The following FGF13 variants were observed in gnomAD, a reference collection of about 807,000 sequenced individuals.
The protein encoded by FGF13 is fibroblast growth factor homologous factor 2.
A neutral mutation model predicts 19.5 loss-of-function variants in FGF13; 2 were observed. The observed-to-expected ratio is 0.10, with a 90% CI of 0.04 to 0.32. The LOEUF (loss-of-function observed/expected upper bound fraction) is 0.32. Ranked by LOEUF, FGF13 falls within the 10% of genes least tolerant of loss-of-function variation. The pLI is 1.00. For missense variants in FGF13, 113 were observed against 192.7 expected, an observed-to-expected ratio of 0.59 and a Z score of 2.45; for synonymous variants, 72 against 76.9, an observed-to-expected ratio of 0.94 and a Z score of 0.33.
At chrX:138,900,443 A>G (rs1195587108) in intron 1 of FGF13, among the ~76,000 whole-genome samples, 1 of 110,522 alleles carries the variant, frequency 9.0e-6, no homozygotes, top group Non-Finnish European at 1.9e-5. Context: ...TCTCCTTCCC[A>G]CACACCCTCA....
chrX:138,880,481 CT>C (rs1427842264), intron 1 of FGF13, among the ~76,000 whole-genome samples: 2 of 111,804 alleles, frequency 1.8e-5, no homozygotes, highest in Non-Finnish European at 1.9e-5. Flanking sequence ...CACATATACA[CT>C]AAGGAATACT....
chrX:139,169,386 G>A (rs908661171), intron 1 of FGF13, among the ~76,000 whole-genome samples: 3 of 111,009 alleles, frequency 2.7e-5, no homozygotes, highest in Non-Finnish European at 5.7e-5. Context: ...TGACCCCGAG[G>A]GCCAGACATC....
intron 1 of FGF13, among the ~76,000 whole-genome samples, chrX:139,120,113 T>C (rs1461880436): frequency 8.9e-6 from 1 of 112,493 alleles, no homozygotes; most frequent in Non-Finnish European, 1.9e-5. Flanking sequence ...CCTGCTGCCA[T>C]GTAAGACATG....
At chrX:139,158,358 T>C (rs976746629) in intron 1 of FGF13, among the ~76,000 whole-genome samples, 9 of 110,943 alleles carry the variant, frequency 8.1e-5, no homozygotes, top group African/African-American at 2.6e-4. Flanking sequence ...TAAAATTCAA[T>C]GGCTTGAAAT....
chrX:139,087,441 T>C (rs2083411888), intron 1 of FGF13, among the ~76,000 whole-genome samples: 1 of 112,304 alleles, frequency 8.9e-6, no homozygotes, highest in African/African-American at 3.2e-5. Context: ...TTCATTTATT[T>C]TTCTGGGCCT....
intron 1 of FGF13, among the ~76,000 whole-genome samples, chrX:138,942,713 T>C (rs1307535485): frequency 5.4e-5 from 6 of 111,673 alleles, no homozygotes; most frequent in African/African-American, 2.0e-4. Flanking sequence ...CATTTTCAAC[T>C]AGACACAAAG....
chrX:138,924,604 T>C (rs910589471), intron 1 of FGF13, among the ~76,000 whole-genome samples: 3 of 111,737 alleles, frequency 2.7e-5, no homozygotes, highest in Admixed American at 9.5e-5. Flanking sequence ...CAGCTTCCCA[T>C]ATACTTCAAT....
intron 1 of FGF13, among the ~76,000 whole-genome samples, chrX:138,961,762 A>T (rs2091871356): frequency 8.9e-6 from 1 of 112,112 alleles, no homozygotes; most frequent in Admixed American, 9.4e-5. Context: ...CTATTTAATA[A>T]ATGGTTCTGG....
intron 3 of FGF13, among the ~76,000 whole-genome samples, chrX:138,818,560 G>T (rs763540169): frequency 9.8e-6 from 1 of 102,295 alleles, no homozygotes; most frequent in East Asian, 3.1e-4. Context: ...ATGCTAGAAA[G>T]GACTTTATAT....
chrX:139,020,329 C>T (rs1480505035), intron 1 of FGF13, among the ~76,000 whole-genome samples: 1 of 111,296 alleles, frequency 9.0e-6, no homozygotes, highest in Non-Finnish European at 1.9e-5. Flanking sequence ...TCTCAAACTA[C>T]CAGCTTATCA....
chrX:138,915,228 C>G (rs1193959888), intron 1 of FGF13, among the ~76,000 whole-genome samples: 2 of 111,462 alleles, frequency 1.8e-5, no homozygotes, highest in Admixed American at 1.9e-4. Context: ...TTTCCCTACT[C>G]CATTACTGGT....
In FGF13 at chrX:138,622,421, C is replaced by G. The variant is rs1464441354; in HGVS notation, c.*10429G>C. The G allele has an allele frequency of 2.7e-5, 3 of 111,146 alleles. No individual in the cohort carries two copies. Among genetic ancestry groups the G allele is most frequent in the Admixed American group, 1.9e-4 (2 of 10,452 alleles). 9.2% of individuals were successfully genotyped at this position (111,146 alleles called of 1,213,427 possible). On this transcript the variant is annotated 3_prime_UTR_variant, in exon 5 of 5. Coordinates refer to ENST00000315930, the MANE Select transcript of FGF13 (RefSeq NM_004114.5). The stretch of plus-strand genomic sequence containing the variant: ...AACACCCTTTCATGATGAAAACATT[C>G]AAAACATTAGGTAGAGAAGGAATAT...
chrX:138,880,928 T>A (rs1274530837), intron 1 of FGF13, among the ~76,000 whole-genome samples: 1 of 111,751 alleles, frequency 8.9e-6, no homozygotes, highest in South Asian at 3.8e-4. Context: ...AATTCCATAT[T>A]GTTTTGAGGA....
upstream of FGF13, among the ~76,000 whole-genome samples, chrX:138,741,954 T>G (rs762042228): frequency 8.9e-6 from 1 of 112,024 alleles, no homozygotes; most frequent in South Asian, 3.8e-4. Flanking sequence ...GTTCTTGGAA[T>G]GTACTAGGCT....
upstream of FGF13, among the ~76,000 whole-genome samples, chrX:138,740,005 C>T (rs1265332069): frequency 8.9e-6 from 1 of 111,949 alleles, no homozygotes; most frequent in Non-Finnish European, 1.9e-5. Context: ...AGCATTACAC[C>T]ATACTCGTTA....
intron 1 of FGF13, among the ~76,000 whole-genome samples, chrX:138,886,939 G>T (rs1187867622): frequency 1.8e-5 from 2 of 111,432 alleles, no homozygotes; most frequent in Non-Finnish European, 3.8e-5. Flanking sequence ...TGGGAGTCCT[G>T]CCAGGAAGAG....
intron 3 of FGF13, among the ~76,000 whole-genome samples, chrX:138,681,041 G>T (rs2089722967): frequency 9.2e-6 from 1 of 109,007 alleles, no homozygotes; most frequent in Non-Finnish European, 1.9e-5. Flanking sequence ...TGGCGTGGTG[G>T]CAGGCACCTG....
At chrX:138,719,821 A>C (rs1033999332) in intron 1 of FGF13, among the ~76,000 whole-genome samples, 3 of 112,833 alleles carry the variant, frequency 2.7e-5, no homozygotes, top group Admixed American at 1.9e-4. Flanking sequence ...CAGTCAACAG[A>C]CTGAAATTAT....
chrX:138,771,911 T>C (rs747596706), intron 3 of FGF13, among the ~76,000 whole-genome samples: 217 of 107,460 alleles, frequency 2.0e-3, no homozygotes, highest in African/African-American at 6.9e-3. Flanking sequence ...AGAGAGCATA[T>C]AAATTTATTT....
Sources: gnomAD v4.1 joint callset for allele counts (sites outside exome capture counted in the v4.1 genomes callset) on GRCh38, gnomAD v4.1.1 for gene constraint, MANE v1.5 for transcripts, NCBI Gene and HGNC (gene_info 2026-07-23, HGNC 2026-07-21) for gene names.